TACC2: variants seen among roughly 807,000 people sequenced by gnomAD.
TACC2 encodes the protein transforming acidic coiled-coil-containing protein 2.
TACC2 carries 137 observed loss-of-function variants against 227.3 expected under a neutral mutation model. That is an observed-to-expected ratio of 0.60 (90% CI 0.52 to 0.69). The LOEUF (loss-of-function observed/expected upper bound fraction) is 0.69, where lower values mean the gene tolerates loss of function less well. TACC2 is among the 30% of genes least tolerant of loss of function. The pLI is 0.00. For synonymous variants in TACC2, 1,523 were observed against 1,487.5 expected (o/e 1.02, Z -0.55); for missense variants, 3,470 against 3,694.4 (o/e 0.94, Z 1.57).
chr10:122,043,780 A>C (rs746037443), intron 2 of TACC2, among the ~76,000 whole-genome samples: 1 of 152,162 alleles, frequency 6.6e-6, no homozygotes, highest in Non-Finnish European at 1.5e-5. Flanking sequence ...AGGTTTCGCC[A>C]TGTTGGCCAG....
rs117029457 is a variant in TACC2 at position 122,225,757 on chromosome 10, G to A, written c.7609-609G>A. ...CAGGCCTCGCGGATGAATTCGTGAG[G>A]AGCATGCCCTGCTCAGGAACAGCAG... On this transcript the variant is annotated intron_variant, in intron 12 of 22. Coordinates refer to ENST00000369005, the MANE Select transcript of TACC2 (RefSeq NM_206862.4). Among the ~76,000 whole-genome samples, 534 of 152,294 alleles carry A rather than the reference G, an allele frequency of 3.5e-3. 5 individuals are homozygous for A. Among genetic ancestry groups the A allele is most frequent in the Middle Eastern group, 0.024 (7 of 294 alleles).
intron 8 of TACC2, among the ~76,000 whole-genome samples, chr10:122,207,681 C>T (rs2095167787): frequency 6.6e-6 from 1 of 152,210 alleles, no homozygotes; most frequent in African/African-American, 2.4e-5. Context: ...CTAATGAGAG[C>T]ATGTCAGTTC....
intron 7 of TACC2, chr10:122,192,767 T>C (rs1445416976): frequency 2.2e-6 from 1 of 456,684 alleles, no homozygotes; most frequent in South Asian, 1.5e-5. Flanking sequence ...GACTCCAGTC[T>C]GCTGGTGCTT....
intron 5 of TACC2, among the ~76,000 whole-genome samples, chr10:122,089,596 G>C (rs1313550812): frequency 6.6e-6 from 1 of 152,246 alleles, no homozygotes; most frequent in Non-Finnish European, 1.5e-5. Flanking sequence ...CAGTGAACAA[G>C]CTTTCCGCCT....
intron 2 of TACC2, among the ~76,000 whole-genome samples, chr10:122,026,807 A>G (rs950108502): frequency 6.6e-6 from 1 of 151,108 alleles, no homozygotes; most frequent in African/African-American, 2.5e-5. Flanking sequence ...TTGCTTTGTC[A>G]TTGCTTTTTA....
At chr10:121,995,105 G>A (rs1174063097) in intron 1 of TACC2, among the ~76,000 whole-genome samples, 6 of 152,166 alleles carry the variant, frequency 3.9e-5, no homozygotes, top group Non-Finnish European at 8.8e-5. Flanking sequence ...AGGGTTTGTA[G>A]GACTTTGTGG....
At chr10:122,099,725 AGCTTAACTCT>A (rs1179437214) in intron 5 of TACC2, among the ~76,000 whole-genome samples, 1 of 152,264 alleles carries the variant, frequency 6.6e-6, no homozygotes, top group East Asian at 1.9e-4. Flanking sequence ...AGCTTAACTC[AGCTTAACTCT>A]GTTTCTTTAC....
intron 5 of TACC2, among the ~76,000 whole-genome samples, chr10:122,101,406 C>T (rs2082125215): frequency 6.6e-6 from 1 of 152,044 alleles, no homozygotes; most frequent in Non-Finnish European, 1.5e-5. Context: ...ACATAGTAGC[C>T]CCTCAACAAA....
chr10:122,241,884 T>A, intron 18 of TACC2, 74 bp from the exon 19 acceptor site: 1 of 1,404,390 alleles, frequency 7.1e-7, no homozygotes, highest in Non-Finnish European at 1.0e-6. Flanking sequence ...TGGGTCAGGC[T>A]GTGGCGTCCA....
chr10:122,183,156 G>T (rs980297348), intron 7 of TACC2, among the ~76,000 whole-genome samples: 5 of 151,766 alleles, frequency 3.3e-5, no homozygotes, highest in African/African-American at 1.2e-4. Context: ...AGTGAGCCAA[G>T]ATTGCGCCAC....
intron 3 of TACC2, among the ~76,000 whole-genome samples, chr10:122,081,648 A>C (rs2079520428): frequency 6.6e-6 from 1 of 152,176 alleles, no homozygotes; most frequent in African/African-American, 2.4e-5. Context: ...TAGTAAGTTC[A>C]AAATTCAGAG....
chr10:122,186,499 G>A (rs1053300104), intron 7 of TACC2, among the ~76,000 whole-genome samples: 3 of 152,166 alleles, frequency 2.0e-5, no homozygotes, highest in Non-Finnish European at 2.9e-5. Flanking sequence ...TCTCTGGGGG[G>A]ATAAAATGAG....
intron 1 of TACC2, among the ~76,000 whole-genome samples, chr10:121,992,333 C>A (rs1953060562): frequency 6.6e-6 from 1 of 152,134 alleles, no homozygotes; most frequent in Admixed American, 6.5e-5. Flanking sequence ...GTTTTAAGAG[C>A]CGAAAAAGTG....
At chr10:122,062,134 C>T (rs2076905108) in intron 3 of TACC2, among the ~76,000 whole-genome samples, 1 of 147,206 alleles carries the variant, frequency 6.8e-6, no homozygotes, top group African/African-American at 2.5e-5. Flanking sequence ...CCTGGGTTCA[C>T]TCCATTCTCT....
Position 122,254,083 on chromosome 10 carries a change from C to A in TACC2, c.*27C>A. On this transcript the variant is annotated 3_prime_UTR_variant, in exon 23 of 23. Coordinates refer to ENST00000369005, the MANE Select transcript of TACC2 (RefSeq NM_206862.4). ...TCTGAACCGAATGTTTTGGACTTAA[C>A]TGTTGCGTGCAATATGACCGTCGGC... 6.2e-7 allele frequency: 1 copy of A among 1,602,146 alleles called. No individual in the cohort carries two copies. The highest frequency in any genetic ancestry group is 1.1e-5 in the South Asian group (1 of 90,818).
At chr10:122,200,125 T>C (rs980436851) in intron 8 of TACC2, among the ~76,000 whole-genome samples, 9 of 152,240 alleles carry the variant, frequency 5.9e-5, no homozygotes, top group Non-Finnish European at 1.3e-4. Flanking sequence ...GGCTGCTCCC[T>C]CTTCACAATG....
intron 2 of TACC2, among the ~76,000 whole-genome samples, chr10:122,042,267 G>C (rs1007127530): frequency 6.6e-6 from 1 of 151,772 alleles, no homozygotes; most frequent in South Asian, 2.1e-4. Context: ...TTTTGAGAGA[G>C]AGTCTCACTC....
rs750417915 is a variant in TACC2, at chr10:122,083,357, C to T, written c.857C>T (p.Ser286Leu). The change falls in exon 4 of 23, where the codon TCA becomes TTA. Residue 286 changes from serine (S) to leucine (L), a missense_variant. This residue lies in a region of TACC2 where 405 missense variants were observed against 389.6 expected (regional missense o/e 1.04). Transcript: ENST00000369005. ...PIPQDPAPRA[S>L]DRERGQGEAP... Reference sequence around the variant, plus strand: ...CCACAAGATCCAGCCCCAAGAGCCTCAGACAGAGAAAGAGGCCAAGGGGAG... The same window carrying T: ...CCACAAGATCCAGCCCCAAGAGCCTTAGACAGAGAAAGAGGCCAAGGGGAG... 3.7e-6 allele frequency: 6 copies of T among 1,613,948 alleles called. No homozygotes were observed. Among genetic ancestry groups the T allele is most frequent in the Non-Finnish European group, 5.1e-6 (6 of 1,180,020 alleles).
chr10:122,058,002 C>T (rs1199471378), intron 3 of TACC2, among the ~76,000 whole-genome samples: 1 of 152,234 alleles, frequency 6.6e-6, no homozygotes, highest in East Asian at 1.9e-4. Context: ...GCTAGATCCC[C>T]TTCCCTTTTG....
Sources: gnomAD v4.1 joint callset for allele counts (sites outside exome capture counted in the v4.1 genomes callset) on GRCh38, gnomAD v4.1.1 for gene constraint, gnomAD v4.1.1 regional missense constraint, MANE v1.5 for transcripts, NCBI Gene and HGNC (gene_info 2026-07-23, HGNC 2026-07-21) for gene names.